Variants in JAKMIP1 observed in about 807,000 individuals in gnomAD.
JAKMIP1 encodes janus kinase and microtubule-interacting protein 1.
JAKMIP1 carries 33 observed loss-of-function variants against 113.0 expected under a neutral mutation model. The ratio of observed to expected loss-of-function variants is 0.29; its 90% CI spans 0.22 to 0.39. The LOEUF (loss-of-function observed/expected upper bound fraction) is 0.39. Ranked by LOEUF, JAKMIP1 falls within the 10% of genes least tolerant of loss-of-function variation. The pLI is 1.00. For missense variants in JAKMIP1, 813 were observed against 1,080.5 expected (o/e 0.75, Z 3.47); for synonymous variants, 480 against 459.9 (o/e 1.04, Z -0.56).
chr4:6,079,406 G>C (rs550755508), intron 7 of JAKMIP1, among the ~76,000 whole-genome samples: 12 of 152,238 alleles, frequency 7.9e-5, no homozygotes, highest in African/African-American at 2.9e-4. Context: ...AGTTAAAGAG[G>C]TAGAGGGAGA....
In JAKMIP1 at chr4:6,167,989, C is replaced by T. The variant is rs112178160; in HGVS notation, c.-148+32264G>A. On this transcript the variant is annotated intron_variant, in intron 1 of 20. Transcript: ENST00000409021. The surrounding 1 kb of genome is among the most constrained non-coding windows in gnomAD (Gnocchi z 5.3). ...GAGTCCGCCCATCCTCCACATCACC[C>T]GGTGTTCAACAGGGAAGACACACAA... Among the ~76,000 whole-genome samples, 2 of 152,174 alleles carry T rather than the reference C, an allele frequency of 1.3e-5. No individual in the cohort carries two copies. The highest frequency in any genetic ancestry group is 2.9e-5 in the Non-Finnish European group (2 of 68,040).
intron 3 of JAKMIP1, among the ~76,000 whole-genome samples, chr4:6,087,260 A>C (rs918914152): frequency 5.7e-4 from 86 of 151,570 alleles, no homozygotes; most frequent in African/African-American, 2.0e-3. Flanking sequence ...AATCCCGCCC[A>C]CCCCCCAACC....
intron 1 of JAKMIP1, among the ~76,000 whole-genome samples, chr4:6,170,421 CCA>C: frequency 6.6e-6 from 1 of 150,916 alleles, no homozygotes. Context: ...ACCACCACGA[CCA>C]TCACCATAGT....
intron 1 of JAKMIP1, among the ~76,000 whole-genome samples, chr4:6,163,261 G>A (rs551297925): frequency 5.9e-5 from 9 of 152,140 alleles, no homozygotes; most frequent in African/African-American, 2.2e-4. Flanking sequence ...AAGTCTATCC[G>A]TGTCATTTTT....
chr4:6,084,538 G>A (rs557548399), intron 5 of JAKMIP1, among the ~76,000 whole-genome samples: 1 of 151,952 alleles, frequency 6.6e-6, no homozygotes, highest in Admixed American at 6.6e-5. Flanking sequence ...GGGTTTTTTG[G>A]TTTTTTAATT....
chr4:6,075,145 G>A lies in JAKMIP1; in HGVS notation c.1302+3794C>T, dbSNP rs1407907939. On this transcript the variant is annotated intron_variant, in intron 8 of 20. Transcript: ENST00000409021. ...GAGCGTGCCACTGCACTCCAGCCTG[G>A]TCAACAGAGTGAGACTCCATCTCAA... Among the ~76,000 whole-genome samples the A allele has an allele frequency of 3.9e-5, 6 of 152,150 alleles. No individual in the cohort carries two copies. In the South Asian group the frequency reaches 8.4e-4, roughly 21 times the overall value.
At chr4:6,148,061 A>G (rs1421118437) in intron 1 of JAKMIP1, among the ~76,000 whole-genome samples, 1 of 152,218 alleles carries the variant, frequency 6.6e-6, no homozygotes, top group East Asian at 1.9e-4. Context: ...GACCAACCAC[A>G]GGTACTAAGC....
Position 6,169,940 on chromosome 4 carries a change from C to G in JAKMIP1, c.-148+30313G>C, listed in dbSNP as rs544525076. 3.3e-5 allele frequency among the ~76,000 whole-genome samples: 5 copies of G among 151,416 alleles called. No individual in the cohort carries two copies. The South Asian group carries it at 1.0e-3, about 32-fold the overall frequency. On this transcript the variant is annotated intron_variant, in intron 1 of 20. Coordinates refer to ENST00000409021, the MANE Select transcript of JAKMIP1 (RefSeq NM_001099433.2). ...TTAAGTTTTTCTACCACCACCGATACTACCACTACCATCACTCTCATCACC... is the reference window on the plus strand; with the variant it reads ...TTAAGTTTTTCTACCACCACCGATAGTACCACTACCATCACTCTCATCACC...
rs762851424 is a variant in JAKMIP1, at chr4:6,088,342, A to T, written c.625-2713T>A. 2.0e-5 allele frequency among the ~76,000 whole-genome samples: 3 copies of T among 152,252 alleles called. No individual in the cohort carries two copies. The highest frequency in any genetic ancestry group is 2.9e-5 in the Non-Finnish European group (2 of 68,044). Reference sequence around the variant, plus strand: ...GCAGTGGAGGGTGTTGCAAACCAACAGTTTGTCCATCACGGGTAAGGGAGG... The same window carrying T: ...GCAGTGGAGGGTGTTGCAAACCAACTGTTTGTCCATCACGGGTAAGGGAGG... On this transcript the variant is annotated intron_variant, in intron 3 of 20. Transcript: ENST00000409021. The surrounding 1 kb of genome is among the most constrained non-coding windows in gnomAD (Gnocchi z 5.5).
Position 6,197,042 on chromosome 4 carries a change from T to C in JAKMIP1, c.-148+3211A>G, listed in dbSNP as rs1370586282. Reference sequence around the variant, plus strand: ...TCCTGAGACTTGGCTCCCTCTGCGGTGTTCACGTAGACCTCACCCTGTGTG... The same window carrying C: ...TCCTGAGACTTGGCTCCCTCTGCGGCGTTCACGTAGACCTCACCCTGTGTG... On this transcript the variant is annotated intron_variant, in intron 1 of 20. Transcript: ENST00000409021. The surrounding 1 kb of genome is among the most constrained non-coding windows in gnomAD (Gnocchi z 6.5). 6.6e-6 allele frequency among the ~76,000 whole-genome samples: 1 copy of C among 152,166 alleles called. No individual in the cohort carries two copies. The highest frequency in any genetic ancestry group is 1.5e-5 in the Non-Finnish European group (1 of 68,028).
Position 6,183,478 on chromosome 4 carries a change from C to CAATTAATAAATAAATA in JAKMIP1, c.-148+16774_-148+16775insTATTTATTTATTAATT, listed in dbSNP as rs1553864667. Among the ~76,000 whole-genome samples the CAATTAATAAATAAATA allele has an allele frequency of 1.6e-5, 2 of 126,672 alleles. No homozygotes were observed. The highest frequency in any genetic ancestry group is 5.9e-5 in the African/African-American group (2 of 33,788). 83.1% of individuals were successfully genotyped at this position (126,672 alleles called of 152,430 possible). A position where few individuals can be genotyped will look rare whatever the true frequency, so the allele number is the denominator to read the frequency against. ...TGGGTGACAGAGCAAGACTCTGTCTCAATAAATAAATAAATAAATAAATAA... is the reference window on the plus strand; with the variant it reads ...TGGGTGACAGAGCAAGACTCTGTCTCAATTAATAAATAAATAAATAAATAAATAAATAAATAAATAA... On this transcript the variant is annotated intron_variant, in intron 1 of 20. Transcript: ENST00000409021. The surrounding 1 kb of genome is among the most constrained non-coding windows in gnomAD (Gnocchi z 5.3).
chr4:6,028,516 C>A (rs1009287490), intron 20 of JAKMIP1, among the ~76,000 whole-genome samples: 1 of 152,212 alleles, frequency 6.6e-6, no homozygotes, highest in Admixed American at 6.5e-5. Flanking sequence ...AGTGCTGTCC[C>A]ATCTCTCTGG....
At position 6,069,686 on chromosome 4, in the gene JAKMIP1, G is replaced by C. The variant is rs1326922692; in HGVS notation, c.1303-4678C>G. Among the ~76,000 whole-genome samples the C allele has an allele frequency of 6.6e-6, 1 of 151,766 alleles. No homozygotes were observed. The highest frequency in any genetic ancestry group is 2.4e-5 in the African/African-American group (1 of 41,310). The stretch of plus-strand genomic sequence containing the variant: ...AAAGATTACTTGAGCCTGGGAGGTT[G>C]GGGCTGCAGTGAGCTGTGATTGTGC... On this transcript the variant is annotated intron_variant, in intron 8 of 20. Coordinates refer to ENST00000409021, the MANE Select transcript of JAKMIP1 (RefSeq NM_001099433.2). This position sits in a 1 kb window ranked among gnomAD's most constrained non-coding sequence, Gnocchi z 4.5.
At chr4:6,026,442 T>C (rs1166847624) in intron 20 of JAKMIP1, among the ~76,000 whole-genome samples, 164 bp from the exon 21 acceptor site, 1 of 151,992 alleles carries the variant, frequency 6.6e-6, no homozygotes, top group Non-Finnish European at 1.5e-5. Flanking sequence ...CTTTAGGAAG[T>C]GATCTCCCCT....
Position 6,193,018 on chromosome 4 carries a change from A to C in JAKMIP1, c.-148+7235T>G, listed in dbSNP as rs1048205814. ...TCAGTGGACTGGGAGAGGCAGACCC[A>C]CCCTCAGTGTGGGTGGGCACCATCT... is the stretch of plus-strand genomic sequence containing the variant. On this transcript the variant is annotated intron_variant, in intron 1 of 20. Transcript: ENST00000409021. This position sits in a 1 kb window ranked among gnomAD's most constrained non-coding sequence, Gnocchi z 6.4. Among the ~76,000 whole-genome samples, 2 of 152,148 alleles carry C rather than the reference A, an allele frequency of 1.3e-5. No homozygotes were observed. Among genetic ancestry groups the C allele is most frequent in the African/African-American group, 4.8e-5 (2 of 41,436 alleles).
At chr4:6,151,852 A>G (rs1721605759) in intron 1 of JAKMIP1, among the ~76,000 whole-genome samples, 1 of 152,260 alleles carries the variant, frequency 6.6e-6, no homozygotes, top group South Asian at 2.1e-4. Flanking sequence ...CCAAACTCAT[A>G]GTGTTGTTAT....
At position 6,064,805 on chromosome 4, in the gene JAKMIP1, C is replaced by A; in HGVS notation, c.1431+75G>T. On this transcript the variant is annotated intron_variant, in intron 9 of 20. Transcript: ENST00000409021. The surrounding 1 kb of genome is among the most constrained non-coding windows in gnomAD (Gnocchi z 4.3). ...ACTATAGGCAAGGGAGCGAAACTTG[C>A]AACTATCAAAAGCAGGAGGTGCCGC... 1 of 1,595,742 alleles carries A rather than the reference C, an allele frequency of 6.3e-7. No individual in the cohort carries two copies. The highest frequency in any genetic ancestry group is 1.1e-5 in the South Asian group (1 of 90,354).
At chr4:6,160,875 G>A (rs1274930281) in intron 1 of JAKMIP1, among the ~76,000 whole-genome samples, 4 of 132,230 alleles carry the variant, frequency 3.0e-5, no homozygotes, top group Non-Finnish European at 4.9e-5. Context: ...TGACCTCCCC[G>A]ACCTCCACTC....
chr4:6,164,360 C>A (rs983380866), intron 1 of JAKMIP1, among the ~76,000 whole-genome samples: 1 of 152,158 alleles, frequency 6.6e-6, no homozygotes, highest in African/African-American at 2.4e-5. Context: ...ATATTTTAAA[C>A]CCACTGTTGA....
Sources: gnomAD v4.1 joint callset for allele counts (sites outside exome capture counted in the v4.1 genomes callset) on GRCh38, gnomAD v4.1.1 for gene constraint, Gnocchi (gnomAD v3.1) non-coding constraint, MANE v1.5 for transcripts, NCBI Gene and HGNC (gene_info 2026-07-23, HGNC 2026-07-21) for gene names.